CNTNAP2: variants seen among roughly 807,000 people sequenced by gnomAD.
CNTNAP2 encodes contactin associated protein 2, also known as contactin-associated protein-like 2.
In CNTNAP2, 98 loss-of-function variants were observed where a neutral mutation model predicts 155.2. The ratio of observed to expected loss-of-function variants is 0.63; its 90% CI spans 0.54 to 0.75. The LOEUF (loss-of-function observed/expected upper bound fraction) is 0.75, where lower values mean the gene tolerates loss of function less well. CNTNAP2 is among the 30% of genes least tolerant of loss of function. CNTNAP2 has a pLI of 0.00. For missense variants in CNTNAP2, 1,727 were observed against 1,688.1 expected, an observed-to-expected ratio of 1.02 and a Z score of -0.40; for synonymous variants, 651 against 631.2, an observed-to-expected ratio of 1.03 and a Z score of -0.47.
intron 9 of CNTNAP2, among the ~76,000 whole-genome samples, chr7:147,308,580 C>T (rs1272982603): frequency 6.6e-6 from 1 of 152,148 alleles, no homozygotes. Context: ...CTCATACCTC[C>T]CCTTTCCACT....
In CNTNAP2 at chr7:148,264,707, T is replaced by C. The variant is rs559338434; in HGVS notation, c.3382-2326T>C. 2.6e-5 allele frequency among the ~76,000 whole-genome samples: 4 copies of C among 152,338 alleles called. No individual in the cohort carries two copies. In the East Asian group the frequency reaches 7.7e-4, roughly 29 times the overall value. On this transcript the variant is annotated intron_variant, in intron 20 of 23. Transcript: ENST00000361727. ...CAAATTTAGTTTTTTGTTTTGTTTT[T>C]TTTGTTCTGAGATGGAATCTTGCTG... is the stretch of plus-strand genomic sequence containing the variant.
intron 1 of CNTNAP2, among the ~76,000 whole-genome samples, chr7:146,193,654 G>A (rs921505990): frequency 6.6e-6 from 1 of 152,234 alleles, no homozygotes; most frequent in Admixed American, 6.5e-5. Flanking sequence ...CCTGTGATGG[G>A]AGGGGCTGCC....
At chr7:148,134,620 T>C (rs1010547399) in intron 16 of CNTNAP2, among the ~76,000 whole-genome samples, 8 of 152,230 alleles carry the variant, frequency 5.3e-5, no homozygotes, top group African/African-American at 1.9e-4. Context: ...TCTAATTTTC[T>C]GTATTTAAAT....
At chr7:147,149,749 G>C (rs925200063) in intron 8 of CNTNAP2, among the ~76,000 whole-genome samples, 1 of 152,118 alleles carries the variant, frequency 6.6e-6, no homozygotes, top group African/African-American at 2.4e-5. Context: ...AGAACAGAAG[G>C]TTATACAGAT....
intron 4 of CNTNAP2, among the ~76,000 whole-genome samples, chr7:147,106,104 C>A (rs1169701931): frequency 6.6e-6 from 1 of 151,938 alleles, no homozygotes; most frequent in African/African-American, 2.4e-5. Flanking sequence ...AGTAAAAGCT[C>A]AGGGAACGTT....
intron 9 of CNTNAP2, among the ~76,000 whole-genome samples, chr7:147,346,148 ATT>A (rs1190332134): frequency 4.6e-5 from 1 of 21,886 alleles, no homozygotes; most frequent in Non-Finnish European, 7.7e-5. Flanking sequence ...ATTTTATTTT[ATT>A]TTATTTTTTT....
intron 13 of CNTNAP2, among the ~76,000 whole-genome samples, chr7:147,828,906 A>G (rs1296736329): frequency 6.6e-6 from 1 of 152,206 alleles, no homozygotes; most frequent in Non-Finnish European, 1.5e-5. Flanking sequence ...TAATAATGGT[A>G]CTATATTACT....
At chr7:148,259,246 C>T (rs1316068880) in intron 20 of CNTNAP2, among the ~76,000 whole-genome samples, 2 of 136,004 alleles carry the variant, frequency 1.5e-5, no homozygotes, top group African/African-American at 5.5e-5. Context: ...GTCCCAGCTA[C>T]TCGGTAGGCT....
At chr7:148,308,545 AT>A (rs1797530984) in intron 21 of CNTNAP2, among the ~76,000 whole-genome samples, 2 of 123,538 alleles carry the variant, frequency 1.6e-5, no homozygotes, top group Non-Finnish European at 3.4e-5. Context: ...ATTTTAACCT[AT>A]TTATGTATTT....
intron 1 of CNTNAP2, among the ~76,000 whole-genome samples, chr7:146,293,951 A>C (rs1800472634): frequency 6.6e-6 from 1 of 152,150 alleles, no homozygotes; most frequent in African/African-American, 2.4e-5. Flanking sequence ...AAATTTCCAC[A>C]TAAAAGCAAC....
intron 9 of CNTNAP2, among the ~76,000 whole-genome samples, chr7:147,379,529 AT>A (rs1563182231): frequency 1.3e-5 from 2 of 151,962 alleles, no homozygotes; most frequent in African/African-American, 4.8e-5. Flanking sequence ...CATTTTTTCT[AT>A]TTTAAGTTCT....
At chr7:147,699,350 G>T (rs1253213027) in intron 13 of CNTNAP2, among the ~76,000 whole-genome samples, 1 of 151,718 alleles carries the variant, frequency 6.6e-6, no homozygotes, top group Non-Finnish European at 1.5e-5. Context: ...TAACACAGGA[G>T]CAGAAAACCA....
intron 21 of CNTNAP2, among the ~76,000 whole-genome samples, chr7:148,294,478 G>A (rs1002229075): frequency 2.6e-5 from 4 of 152,182 alleles, no homozygotes; most frequent in Admixed American, 6.5e-5. Context: ...ATCAAAAATT[G>A]GAGAATTCTG....
intron 1 of CNTNAP2, among the ~76,000 whole-genome samples, chr7:146,310,488 ATG>A (rs1474955544): frequency 3.3e-5 from 5 of 152,136 alleles, no homozygotes; most frequent in Non-Finnish European, 5.9e-5. Context: ...GGTGGAAATC[ATG>A]TAGTTCAGTG....
intron 21 of CNTNAP2, among the ~76,000 whole-genome samples, chr7:148,289,998 T>A (rs1487872177): frequency 4.6e-5 from 7 of 152,210 alleles, no homozygotes; most frequent in South Asian, 2.1e-4. Context: ...GTGACATTAA[T>A]GAAAATTGTA....
intron 1 of CNTNAP2, among the ~76,000 whole-genome samples, chr7:146,581,362 A>G (rs1798608216): frequency 6.6e-6 from 1 of 152,120 alleles, no homozygotes; most frequent in Non-Finnish European, 1.5e-5. Flanking sequence ...GTTATATTGC[A>G]ATAATATGCA....
intron 1 of CNTNAP2, among the ~76,000 whole-genome samples, chr7:146,730,754 T>C (rs752985469): frequency 6.6e-6 from 1 of 152,054 alleles, no homozygotes; most frequent in Non-Finnish European, 1.5e-5. Context: ...ACTTAGTGAG[T>C]TTTTAATTCT....
intron 3 of CNTNAP2, among the ~76,000 whole-genome samples, chr7:146,845,833 G>C (rs1242132880): frequency 6.6e-6 from 1 of 152,144 alleles, no homozygotes; most frequent in African/African-American, 2.4e-5. Flanking sequence ...TCTGTGCCAG[G>C]TGCCATTGCA....
chr7:148,073,163 G>A (rs537758242), intron 15 of CNTNAP2, among the ~76,000 whole-genome samples: 1 of 152,078 alleles, frequency 6.6e-6, no homozygotes, highest in Non-Finnish European at 1.5e-5. Flanking sequence ...AAAATCACTG[G>A]TCTAATACAC....
Sources: gnomAD v4.1 joint callset for allele counts (sites outside exome capture counted in the v4.1 genomes callset) on GRCh38, gnomAD v4.1.1 for gene constraint, MANE v1.5 for transcripts, NCBI Gene and HGNC (gene_info 2026-07-23, HGNC 2026-07-21) for gene names.